Variants in FGF12 observed in about 807,000 individuals in gnomAD.
FGF12 encodes the protein fibroblast growth factor 12.
A neutral mutation model predicts 23.6 loss-of-function variants in FGF12; 14 were observed. That is an observed-to-expected ratio of 0.59 (90% confidence interval 0.39 to 0.93). The LOEUF (loss-of-function observed/expected upper bound fraction) is 0.93. FGF12 is among the 40% of genes least tolerant of loss of function. FGF12 has a pLI of 0.00. For synonymous variants in FGF12, 62 were observed against 77.3 expected (o/e 0.80, Z 1.04); for missense variants, 175 against 217.8 (o/e 0.80, Z 1.24).
Position 192,151,226 on chromosome 3 carries a change from T to G in FGF12, c.428-7099A>C, listed in dbSNP as rs1322754769. ...TTAAGGAGATTTTGGGCTGAGACAA[T>G]GGGGTTTTCTAGACATACAATCATG... On this transcript the variant is annotated intron_variant, in intron 5 of 5. Transcript: ENST00000445105. Among the ~76,000 whole-genome samples, 30 of 114,164 alleles carry G rather than the reference T, an allele frequency of 2.6e-4. 3 individuals are homozygous for G. Among genetic ancestry groups the G allele is most frequent in the African/African-American group, 4.6e-4 (14 of 30,316 alleles). 74.9% of individuals were successfully genotyped at this position (114,164 alleles called of 152,430 possible).
intron 5 of FGF12, among the ~76,000 whole-genome samples, chr3:192,158,048 C>G (rs1249986292): frequency 6.6e-6 from 1 of 152,194 alleles, no homozygotes; most frequent in Non-Finnish European, 1.5e-5. Flanking sequence ...TGCCCCTGCT[C>G]TAAGCTGATA....
intron 2 of FGF12, among the ~76,000 whole-genome samples, chr3:192,470,294 C>A (rs747912362): frequency 3.9e-5 from 6 of 152,138 alleles, no homozygotes; most frequent in African/African-American, 7.2e-5. Context: ...AAACGACATG[C>A]GAGAACAATC....
In FGF12 at chr3:192,596,781, C is replaced by T. The variant is rs1376857889; in HGVS notation, c.13+130400G>A. Among the ~76,000 whole-genome samples the T allele has an allele frequency of 1.1e-4, 16 of 152,318 alleles. No homozygotes were observed. In the East Asian group the frequency reaches 1.5e-3, roughly 15 times the overall value. On this transcript the variant is annotated intron_variant, in intron 2 of 5. Coordinates refer to ENST00000445105, the MANE Select transcript of FGF12 (RefSeq NM_004113.6). ...TTACACACACACAATTATTTACACA[C>T]GGCAGCTTTGCAGTGAATACTTTGA...
At chr3:192,348,236 A>G (rs886723839) in intron 3 of FGF12, among the ~76,000 whole-genome samples, 2 of 152,136 alleles carry the variant, frequency 1.3e-5, no homozygotes, top group African/African-American at 4.8e-5. Flanking sequence ...TGTGTTCCAG[A>G]TTCGGTCTCA....
At chr3:192,378,366 C>T (rs1401372882) in intron 2 of FGF12, among the ~76,000 whole-genome samples, 1 of 148,552 alleles carries the variant, frequency 6.7e-6, no homozygotes, top group Non-Finnish European at 1.5e-5. Context: ...CCACCTCAGC[C>T]TCCCAAAGTG....
intron 4 of FGF12, among the ~76,000 whole-genome samples, chr3:192,175,812 C>T (rs1003134171): frequency 2.0e-5 from 3 of 152,110 alleles, no homozygotes; most frequent in Non-Finnish European, 4.4e-5. Context: ...GGATTCCAAC[C>T]TCCTCTCCCT....
intron 2 of FGF12, among the ~76,000 whole-genome samples, chr3:192,460,004 T>G (rs1344182491): frequency 6.6e-6 from 1 of 151,974 alleles, no homozygotes; most frequent in African/African-American, 2.4e-5. Context: ...ATCAATCTAG[T>G]CTTCGAGTCA....
At chr3:192,440,293 A>C (rs534225457) in intron 2 of FGF12, among the ~76,000 whole-genome samples, 3 of 152,246 alleles carry the variant, frequency 2.0e-5, no homozygotes, top group Admixed American at 6.5e-5. Context: ...GCATTTTGAA[A>C]ACGTCACTCT....
chr3:192,146,310 G>A (rs1388783458), intron 5 of FGF12, among the ~76,000 whole-genome samples: 4 of 135,932 alleles, frequency 2.9e-5, no homozygotes, highest in Non-Finnish European at 6.1e-5. Flanking sequence ...TCGCTCTATA[G>A]CCCAGGCTGG....
At chr3:192,204,901 A>T (rs1277912668) in intron 4 of FGF12, among the ~76,000 whole-genome samples, 4 of 152,122 alleles carry the variant, frequency 2.6e-5, no homozygotes, top group African/African-American at 9.7e-5. Context: ...AAAGAGAAAA[A>T]AAAAGAAAGT....
intron 4 of FGF12, among the ~76,000 whole-genome samples, chr3:192,321,271 G>A (rs949311333): frequency 4.6e-5 from 7 of 151,996 alleles, no homozygotes; most frequent in Admixed American, 2.0e-4. Context: ...TCCAAAACCC[G>A]AACAGACCAG....
At chr3:192,385,708 TCAGGC>T (rs1720013023) in intron 2 of FGF12, among the ~76,000 whole-genome samples, 1 of 152,128 alleles carries the variant, frequency 6.6e-6, no homozygotes, top group Non-Finnish European at 1.5e-5. Context: ...TGGTGAACCT[TCAGGC>T]CAGGGGCGAA....
intron 2 of FGF12, among the ~76,000 whole-genome samples, chr3:192,718,903 G>A (rs550875477): frequency 6.6e-6 from 1 of 151,960 alleles, no homozygotes; most frequent in Non-Finnish European, 1.5e-5. Flanking sequence ...TAAGCCTAAA[G>A]AGGATCAAGA....
intron 2 of FGF12, among the ~76,000 whole-genome samples, chr3:192,707,485 C>T (rs141729245): frequency 2.0e-5 from 3 of 152,238 alleles, no homozygotes; most frequent in East Asian, 1.9e-4. Context: ...CGGTGGCTCA[C>T]GCCTGTAATC....
Position 192,320,755 on chromosome 3 carries a change from C to A in FGF12, c.228+14606G>T, listed in dbSNP as rs188883578. Among the ~76,000 whole-genome samples the A allele has an allele frequency of 5.1e-3, 770 of 151,998 alleles. 9 individuals carry two copies. The highest frequency in any genetic ancestry group is 0.018 in the African/African-American group (735 of 41,490). On this transcript the variant is annotated intron_variant, in intron 4 of 5. Transcript: ENST00000445105. ...AATTAAGAAATAAATGTAAAAATTT[C>A]TTGAAACAAAAGAAAATGAAAGCAC...
chr3:192,542,737 C>A (rs1725401738), intron 2 of FGF12, among the ~76,000 whole-genome samples: 1 of 151,878 alleles, frequency 6.6e-6, no homozygotes, highest in African/African-American at 2.4e-5. Flanking sequence ...ACCCCAAGCC[C>A]AGTAACAATA....
Position 192,408,088 on chromosome 3 carries a change from G to A in FGF12, c.14-47550C>T. ...AAGCGCACTTTGCTGAACACCCCGA[G>A]GACGTGCCTCTCGCACAGGGAGCGC... On this transcript the variant is annotated intron_variant, in intron 2 of 5. Coordinates refer to ENST00000445105, the MANE Select transcript of FGF12 (RefSeq NM_004113.6). This position sits in a 1 kb window ranked among gnomAD's most constrained non-coding sequence, Gnocchi z 7.3. 1.2e-6 allele frequency: 2 copies of A among 1,613,246 alleles called. No homozygotes were observed. Among genetic ancestry groups the A allele is most frequent in the Non-Finnish European group, 1.7e-6 (2 of 1,180,022 alleles).
At chr3:192,216,808 TAC>T (rs1718214326) in intron 4 of FGF12, among the ~76,000 whole-genome samples, 2 of 152,240 alleles carry the variant, frequency 1.3e-5, no homozygotes, top group Admixed American at 1.3e-4. Flanking sequence ...CTGTTTAATC[TAC>T]AGAGAGTGTG....
At chr3:192,280,564 G>T (rs527465651) in intron 4 of FGF12, among the ~76,000 whole-genome samples, 1 of 152,082 alleles carries the variant, frequency 6.6e-6, no homozygotes, top group Non-Finnish European at 1.5e-5. Flanking sequence ...TATCTGACAT[G>T]ATTTAGGCAC....
Sources: gnomAD v4.1 joint callset for allele counts (sites outside exome capture counted in the v4.1 genomes callset) on GRCh38, gnomAD v4.1.1 for gene constraint, Gnocchi (gnomAD v3.1) non-coding constraint, MANE v1.5 for transcripts, NCBI Gene and HGNC (gene_info 2026-07-23, HGNC 2026-07-21) for gene names.